The following MAPK1IP1L variants were observed in gnomAD, a reference collection of about 807,000 sequenced individuals.
MAPK1IP1L encodes the protein mitogen-activated protein kinase 1 interacting protein 1 like, also known as MAPK-interacting and spindle-stabilizing protein-like.
In MAPK1IP1L, 10 loss-of-function variants were observed where a neutral mutation model predicts 18.1. The observed-to-expected ratio is 0.55, with a 90% confidence interval of 0.34 to 0.94. MAPK1IP1L has a LOEUF of 0.94. MAPK1IP1L is among the 40% of genes least tolerant of loss of function. MAPK1IP1L has a pLI of 0.02. For missense variants in MAPK1IP1L, 260 were observed against 318.2 expected (o/e 0.82, Z 1.39); for synonymous variants, 115 against 117.3 (o/e 0.98, Z 0.13).
At position 55,065,745 on chromosome 14, in the gene MAPK1IP1L, G is replaced by C. The variant is rs898859838; in HGVS notation, c.*1118G>C. 6.6e-6 allele frequency: 1 copy of C among 152,190 alleles called. No homozygotes were observed. The highest frequency in any genetic ancestry group is 1.9e-4 in the East Asian group (1 of 5,202). The allele number at this position is 152,190 out of a possible 1,614,324, so 9.4% of individuals were successfully genotyped here. On this transcript the variant is annotated 3_prime_UTR_variant, in exon 4 of 4. Transcript: ENST00000395468. ...ATATGTATCTCTTTTTCAGAGTCTGGTTAAGCTATGTCATTGTCTACTGCA... is the reference window on the plus strand; with the variant it reads ...ATATGTATCTCTTTTTCAGAGTCTGCTTAAGCTATGTCATTGTCTACTGCA...
chr14:55,062,771 A>G lies in MAPK1IP1L; in HGVS notation c.172A>G (p.Thr58Ala), dbSNP rs764412195. The change falls in exon 3 of 4, where the codon ACA (threonine) becomes GCA (alanine). Residue 58 changes from threonine (T) to alanine (A), a missense_variant. Transcript: ENST00000395468. The stretch of plus-strand genomic sequence containing the variant: ...GCCATCTGGACTCCCACCAAGTGCA[A>G]CACCCTCCACTGTGCCTTTTGGACC... ...SVPSGLPPSA[T>A]PSTVPFGPAP... The G allele has an allele frequency of 3.1e-6, 5 of 1,613,992 alleles. No homozygotes were observed. Among genetic ancestry groups the G allele is most frequent in the Non-Finnish European group, 3.4e-6 (4 of 1,180,022 alleles).
chr14:55,064,492 G>C, intron 3 of MAPK1IP1L, 124 bp from the exon 4 acceptor site: 1 of 753,242 alleles, frequency 1.3e-6, no homozygotes, highest in Non-Finnish European at 2.3e-6. Context: ...GTGTATGCCA[G>C]AGTAAATGAT....
At chr14:55,054,380 T>G (rs536870860) in intron 1 of MAPK1IP1L, among the ~76,000 whole-genome samples, 1 of 152,074 alleles carries the variant, frequency 6.6e-6, no homozygotes, top group Non-Finnish European at 1.5e-5. Flanking sequence ...TGGCCTCAAG[T>G]AATCCACCCA....
intron 1 of MAPK1IP1L, among the ~76,000 whole-genome samples, chr14:55,055,327 C>T (rs934707653): frequency 2.0e-5 from 3 of 152,122 alleles, no homozygotes; most frequent in Admixed American, 2.0e-4. Flanking sequence ...CATATTGAAA[C>T]GTTCATGTCC....
rs552079874 is a variant in MAPK1IP1L, at chr14:55,067,997, A to C, written c.*3370A>C. The C allele has an allele frequency of 7.9e-5, 12 of 152,366 alleles. No homozygotes were observed. The highest frequency in any genetic ancestry group is 1.6e-4 in the Non-Finnish European group (11 of 68,036). 9.4% of individuals were successfully genotyped at this position (152,366 alleles called of 1,614,324 possible). A position where few individuals can be genotyped will look rare whatever the true frequency, so the allele number is the denominator to read the frequency against. ...AGGTCGTCATTCACACCCGGTTCTC[A>C]AGAATCAAGTGGAGCACTTCAAAGA... On this transcript the variant is annotated 3_prime_UTR_variant, in exon 4 of 4. Coordinates refer to ENST00000395468, the MANE Select transcript of MAPK1IP1L (RefSeq NM_144578.4).
rs779684164 is a variant in MAPK1IP1L at position 55,062,728 on chromosome 14, G to A, written c.129G>A (p.Pro43=). ...GWPGSNPWNN[P]SAPSSVPSGL... is the part of the protein sequence containing the mutation. Reference sequence around the variant, plus strand: ...CAGGCTCCAACCCTTGGAATAATCCGAGTGCTCCATCTTCAGTGCCATCTG... The same window carrying A: ...CAGGCTCCAACCCTTGGAATAATCCAAGTGCTCCATCTTCAGTGCCATCTG... Residue 43 remains proline, a synonymous_variant, in exon 3 of 4, where the codon CCG becomes CCA. Transcript: ENST00000395468. The A allele has an allele frequency of 1.2e-5, 19 of 1,613,964 alleles. No homozygotes were observed. Among genetic ancestry groups the A allele is most frequent in the East Asian group, 2.2e-5 (1 of 44,888 alleles).
Position 55,062,918 on chromosome 14 carries a change from G to A in MAPK1IP1L, c.319G>A (p.Val107Met), listed in dbSNP as rs776046566. ...PPGGPYPAPT[V>M]PGPGPTGPYP... Reference sequence around the variant, plus strand: ...TGGTGGTCCTTATCCAGCCCCAACTGTGCCGGGCCCTGGCCCCACAGGGCC... The same window carrying A: ...TGGTGGTCCTTATCCAGCCCCAACTATGCCGGGCCCTGGCCCCACAGGGCC... The change falls in exon 3 of 4, where the codon GTG (valine) becomes ATG (methionine). Residue 107 changes from valine (V) to methionine (M), a missense_variant. Physicochemically the swap from Val to Met is conservative, Grantham distance 21. Coordinates refer to ENST00000395468, the MANE Select transcript of MAPK1IP1L (RefSeq NM_144578.4). 6.2e-6 allele frequency: 10 copies of A among 1,613,870 alleles called. No homozygotes were observed. The South Asian group carries it at 7.7e-5, about 12-fold the overall frequency.
intron 1 of MAPK1IP1L, among the ~76,000 whole-genome samples, chr14:55,056,822 T>G (rs1009780892): frequency 6.6e-6 from 1 of 152,152 alleles, no homozygotes; most frequent in Non-Finnish European, 1.5e-5. Context: ...TTTTTTGATA[T>G]TCTGAATAAA....
chr14:55,066,496 C>G lies in MAPK1IP1L; in HGVS notation c.*1869C>G, dbSNP rs2042862891. ...CCCCCTTAGTCTACAAGGCAGGTAG[C>G]CTTGGCTTGAATTATCAATATCAAA... On this transcript the variant is annotated 3_prime_UTR_variant, in exon 4 of 4. Coordinates refer to ENST00000395468, the MANE Select transcript of MAPK1IP1L (RefSeq NM_144578.4). 1 of 152,152 alleles carries G rather than the reference C, an allele frequency of 6.6e-6. No individual in the cohort carries two copies. Among genetic ancestry groups the G allele is most frequent in the Admixed American group, 6.5e-5 (1 of 15,270 alleles). 9.4% of individuals were successfully genotyped at this position (152,152 alleles called of 1,614,324 possible). A position where few individuals can be genotyped will look rare whatever the true frequency, so the allele number is the denominator to read the frequency against.
At position 55,063,128 on chromosome 14, in the gene MAPK1IP1L, C is replaced by G; in HGVS notation, c.529C>G (p.Pro177Ala). ...TCCATCTCCAGGCCCATATCCCGCT[C>G]CTCCTCCTCCCCAAGCCCCTGGGGC... ...PYPSPGPYPA[P>A]PPPQAPGAAP... The change falls in exon 3 of 4, where the codon CCT (proline) becomes GCT (alanine). Residue 177 changes from proline (P) to alanine (A), a missense_variant. By Grantham distance (27) the Pro-to-Ala change is conservative. Coordinates refer to ENST00000395468, the MANE Select transcript of MAPK1IP1L (RefSeq NM_144578.4). 6.2e-7 allele frequency: 1 copy of G among 1,613,754 alleles called. No homozygotes were observed. Among genetic ancestry groups the G allele is most frequent in the Non-Finnish European group, 8.5e-7 (1 of 1,180,008 alleles).
In MAPK1IP1L at chr14:55,064,826, A is replaced by C; in HGVS notation, c.*199A>C. The C allele has an allele frequency of 2.2e-6, 1 of 450,274 alleles. No homozygotes were observed. Among genetic ancestry groups the C allele is most frequent in the Non-Finnish European group, 4.0e-6 (1 of 248,598 alleles). 27.9% of individuals were successfully genotyped at this position (450,274 alleles called of 1,614,324 possible). A position where few individuals can be genotyped will look rare whatever the true frequency, so the allele number is the denominator to read the frequency against. Reference sequence around the variant, plus strand: ...TGTATACAATCAGATAAAAGCATAGAAGTAAATCATTCGGATGTGATTTTT... The same window carrying C: ...TGTATACAATCAGATAAAAGCATAGCAGTAAATCATTCGGATGTGATTTTT... On this transcript the variant is annotated 3_prime_UTR_variant, in exon 4 of 4. Coordinates refer to ENST00000395468, the MANE Select transcript of MAPK1IP1L (RefSeq NM_144578.4).
intron 1 of MAPK1IP1L, among the ~76,000 whole-genome samples, chr14:55,052,876 TAACTGA>T (rs1218978788): frequency 6.6e-6 from 1 of 152,236 alleles, no homozygotes; most frequent in African/African-American, 2.4e-5. Flanking sequence ...CCCAGTCTCT[TAACTGA>T]AACTTTTGAA....
chr14:55,052,196 C>A (rs1389234545), intron 1 of MAPK1IP1L, among the ~76,000 whole-genome samples: 1 of 132,936 alleles, frequency 7.5e-6, no homozygotes, highest in Non-Finnish European at 1.5e-5. Context: ...TCCCTTTGTT[C>A]GTGCGTCCCT....
In MAPK1IP1L at chr14:55,063,243, C is replaced by T. The variant is rs757250538; in HGVS notation, c.644C>T (p.Pro215Leu). The change falls in exon 3 of 4, where the codon CCA (proline) becomes CTA (leucine). Residue 215 changes from proline (P) to leucine (L), a missense_variant. Pro to Leu is a moderately conservative substitution (Grantham distance 98). Transcript: ENST00000395468. ...GCCCCTACAGGATCGTATCCCACAC[C>T]AGGACTCTATCCTACTCCCAGTAAT... ...YPAPTGSYPT[P>L]GLYPTPSNPF... The T allele has an allele frequency of 1.4e-5, 22 of 1,614,070 alleles. No homozygotes were observed. The highest frequency in any genetic ancestry group is 1.9e-5 in the Non-Finnish European group (22 of 1,180,050).
intron 1 of MAPK1IP1L, among the ~76,000 whole-genome samples, chr14:55,059,222 T>TCTGAAAAAAAAAAAAAAAAAAAAAAAAA (rs2042795334): frequency 1.6e-5 from 1 of 63,956 alleles, no homozygotes; most frequent in Non-Finnish European, 3.1e-5. Context: ...CATAGGAAAA[T>TCTGAAAAAAAAAAAAAAAAAAAAAAAAA]CTGAAAAAAA....
At chr14:55,059,510 G>A (rs2042799284) in intron 1 of MAPK1IP1L, among the ~76,000 whole-genome samples, 1 of 152,270 alleles carries the variant, frequency 6.6e-6, no homozygotes, top group East Asian at 1.9e-4. Flanking sequence ...CCAGAAGGTC[G>A]AGTCTGCAGT....
At position 55,059,663 on chromosome 14, in the gene MAPK1IP1L, A is replaced by G. The variant is rs140427123; in HGVS notation, c.-4-2017A>G. 7.2e-3 allele frequency among the ~76,000 whole-genome samples: 1,094 copies of G among 152,324 alleles called. 9 individuals carry two copies. Among genetic ancestry groups the G allele is most frequent in the Non-Finnish European group, 0.011 (721 of 68,032 alleles). Reference sequence around the variant, plus strand: ...TTAAGAGCCTAAGTTCTGGAGTCATACTGGGTTTGAACTGCTTCTCTCCTT... The same window carrying G: ...TTAAGAGCCTAAGTTCTGGAGTCATGCTGGGTTTGAACTGCTTCTCTCCTT... On this transcript the variant is annotated intron_variant, in intron 1 of 3. Coordinates refer to ENST00000395468, the MANE Select transcript of MAPK1IP1L (RefSeq NM_144578.4).
Position 55,062,774 on chromosome 14 carries a change from C to A in MAPK1IP1L, c.175C>A (p.Pro59Thr), listed in dbSNP as rs1454005886. The change falls in exon 3 of 4, where the codon CCC becomes ACC. Residue 59 changes from proline to threonine, a missense_variant. Physicochemically the swap from Pro to Thr is conservative, Grantham distance 38. Coordinates refer to ENST00000395468, the MANE Select transcript of MAPK1IP1L (RefSeq NM_144578.4). ...VPSGLPPSAT[P>T]STVPFGPAPT... ...ATCTGGACTCCCACCAAGTGCAACA[C>A]CCTCCACTGTGCCTTTTGGACCAGC... 6 of 1,614,198 alleles carry A rather than the reference C, an allele frequency of 3.7e-6. 1 individual carries two copies. The highest frequency in any genetic ancestry group is 3.3e-4 in the Middle Eastern group (2 of 6,062).
At chr14:55,054,314 T>C (rs1388473016) in intron 1 of MAPK1IP1L, among the ~76,000 whole-genome samples, 1 of 151,956 alleles carries the variant, frequency 6.6e-6, no homozygotes, top group African/African-American at 2.4e-5. Flanking sequence ...CAGCTAATTT[T>C]CTGTATTTTT....
Sources: gnomAD v4.1 joint callset for allele counts (sites outside exome capture counted in the v4.1 genomes callset) on GRCh38, gnomAD v4.1.1 for gene constraint, MANE v1.5 for transcripts, NCBI Gene and HGNC (gene_info 2026-07-23, HGNC 2026-07-21) for gene names.